The following MORC3 variants were observed in gnomAD, a reference collection of about 807,000 sequenced individuals.
MORC3 encodes MORC family CW-type zinc finger 3, also known as MORC family CW-type zinc finger protein 3.
Under a neutral mutation model 109.1 loss-of-function variants are expected in MORC3, and 31 were observed. The observed-to-expected ratio is 0.28, with a 90% CI of 0.21 to 0.38. MORC3 has a LOEUF of 0.38. Ranked by LOEUF, MORC3 falls within the 10% of genes least tolerant of loss-of-function variation. The pLI is 1.00. For synonymous variants in MORC3, 395 were observed against 380.7 expected, an observed-to-expected ratio of 1.04 and a Z score of -0.44; for missense variants, 867 against 1,135.8, an observed-to-expected ratio of 0.76 and a Z score of 3.40.
chr21:36,351,720 C>T (rs1008516359), intron 9 of MORC3, among the ~76,000 whole-genome samples: 12 of 152,134 alleles, frequency 7.9e-5, no homozygotes, highest in African/African-American at 2.2e-4. Flanking sequence ...GGGGAACCCT[C>T]GTACACTATT....
At chr21:36,320,503 T>C (rs369253744) in intron 1 of MORC3, 200 bp downstream of exon 1, 10 of 423,504 alleles carry the variant, frequency 2.4e-5, no homozygotes, top group East Asian at 1.7e-4. Context: ...CCGTCGCCTC[T>C]GCATTGTGTT....
chr21:36,340,885 C>T (rs1041923155), intron 5 of MORC3, among the ~76,000 whole-genome samples: 2 of 152,152 alleles, frequency 1.3e-5, no homozygotes, highest in African/African-American at 4.8e-5. Context: ...GATCCACATG[C>T]CTCAGCCTCC....
At chr21:36,336,555 T>C (rs901415187) in intron 2 of MORC3, among the ~76,000 whole-genome samples, 1 of 152,240 alleles carries the variant, frequency 6.6e-6, no homozygotes, top group Admixed American at 6.5e-5. Flanking sequence ...TAGTCCATCT[T>C]TTAATCATCT....
chr21:36,326,071 G>A (rs541449975), intron 1 of MORC3, among the ~76,000 whole-genome samples: 1 of 151,466 alleles, frequency 6.6e-6, no homozygotes, highest in Admixed American at 6.6e-5. Context: ...TTTGGGCATG[G>A]TGGTGGGTGC....
intron 8 of MORC3, chr21:36,347,749 G>A (rs975757790): frequency 6.6e-6 from 1 of 152,202 alleles, no homozygotes; most frequent in Non-Finnish European, 1.5e-5. Context: ...GTGCTGCAAA[G>A]TCTGGAAGGG....
intron 14 of MORC3, among the ~76,000 whole-genome samples, chr21:36,368,357 G>T (rs2146339179): frequency 6.6e-6 from 1 of 152,230 alleles, no homozygotes; most frequent in East Asian, 1.9e-4. Flanking sequence ...CAAAGAAGGG[G>T]CCGGGGTGGG....
intron 9 of MORC3, among the ~76,000 whole-genome samples, chr21:36,350,965 G>C (rs2085563843): frequency 6.6e-6 from 1 of 150,650 alleles, no homozygotes; most frequent in African/African-American, 2.4e-5. Context: ...TCAAGCAGTT[G>C]CCTTATTTTG....
At chr21:36,371,664 G>A (rs1366422029) in intron 15 of MORC3, among the ~76,000 whole-genome samples, 1 of 152,014 alleles carries the variant, frequency 6.6e-6, no homozygotes, top group East Asian at 1.9e-4. Context: ...AAGTCAAACC[G>A]TTGTAAGTCA....
At chr21:36,324,308 C>T (rs540072541) in intron 1 of MORC3, among the ~76,000 whole-genome samples, 21 of 148,736 alleles carry the variant, frequency 1.4e-4, no homozygotes, top group East Asian at 8.0e-4. Context: ...GGAGTCTTCT[C>T]GCTCTGTCGT....
chr21:36,368,713 C>T (rs558323084), intron 14 of MORC3, among the ~76,000 whole-genome samples: 1 of 152,202 alleles, frequency 6.6e-6, no homozygotes, highest in South Asian at 2.1e-4. Context: ...CCCATCTGTA[C>T]TAAAAATATA....
intron 15 of MORC3, 150 bp from the exon 16 acceptor site, chr21:36,372,224 T>G: frequency 1.7e-6 from 1 of 593,166 alleles, no homozygotes; most frequent in Non-Finnish European, 2.7e-6. Flanking sequence ...GAAGCCTTGT[T>G]TATAGAAAAC....
At chr21:36,340,302 A>G (rs1601519561) in intron 5 of MORC3, among the ~76,000 whole-genome samples, 1 of 151,094 alleles carries the variant, frequency 6.6e-6, no homozygotes. Flanking sequence ...AAACTATAGT[A>G]CAGTAGTACT....
At chr21:36,372,611 A>G (rs932330762) in intron 16 of MORC3, 80 bp downstream of exon 16, 20 of 1,357,352 alleles carry the variant, frequency 1.5e-5, no homozygotes, top group Admixed American at 2.7e-5. Flanking sequence ...GCACCCATCA[A>G]ATAGATACTG....
At chr21:36,360,157 T>G (rs377513183) in intron 11 of MORC3, 27 bp from the exon 12 acceptor site, 1 of 1,614,018 alleles carries the variant, frequency 6.2e-7, no homozygotes, top group Non-Finnish European at 8.5e-7. Flanking sequence ...TGGTGACATG[T>G]TATTCCTATG....
At chr21:36,333,361 G>T (rs529762313) in intron 1 of MORC3, 20 of 373,144 alleles carry the variant, frequency 5.4e-5, no homozygotes, top group Non-Finnish European at 5.7e-5. Flanking sequence ...GGTAGGTCTT[G>T]GCAAGGTATG....
chr21:36,338,980 G>A, intron 5 of MORC3, 59 bp downstream of exon 5: 1 of 1,563,058 alleles, frequency 6.4e-7, no homozygotes, highest in East Asian at 2.3e-5. Context: ...CAGGGTGGTG[G>A]TGTTATATTC....
chr21:36,347,932 T>C (rs1044633642), intron 8 of MORC3: 2 of 152,216 alleles, frequency 1.3e-5, no homozygotes, highest in African/African-American at 2.4e-5. Flanking sequence ...AATTGAAGGA[T>C]ATTGTTATTA....
chr21:36,332,115 T>C (rs1330514388), intron 1 of MORC3, among the ~76,000 whole-genome samples: 3 of 151,234 alleles, frequency 2.0e-5, no homozygotes, highest in African/African-American at 7.3e-5. Flanking sequence ...CACTGCAGCC[T>C]GGGCAGCAGA....
At chr21:36,321,548 CTTT>C (rs746656195) in intron 1 of MORC3, among the ~76,000 whole-genome samples, 6 of 139,080 alleles carry the variant, frequency 4.3e-5, no homozygotes, top group Non-Finnish European at 6.3e-5. Flanking sequence ...TTCTTTTTTT[CTTT>C]TTTTTTTTTT....
Sources: gnomAD v4.1 joint callset for allele counts (sites outside exome capture counted in the v4.1 genomes callset) on GRCh38, gnomAD v4.1.1 for gene constraint, MANE v1.5 for transcripts, NCBI Gene and HGNC (gene_info 2026-07-23, HGNC 2026-07-21) for gene names.